The following CD2AP variants were observed in gnomAD, a reference collection of about 807,000 sequenced individuals.
The protein encoded by CD2AP is CD2 associated protein.
Under a neutral mutation model 85.1 loss-of-function variants are expected in CD2AP, and 46 were observed. That is an observed-to-expected ratio of 0.54 (90% CI 0.43 to 0.69). CD2AP has a LOEUF of 0.69. Among genes scored for constraint, CD2AP ranks in the 30% least tolerant of loss-of-function variants. The probability of loss-of-function intolerance (pLI) is 0.00; values close to 1 mark genes in which losing one functional copy is unlikely to be tolerated. For missense variants in CD2AP, 769 were observed against 729.5 expected, an observed-to-expected ratio of 1.05 and a Z score of -0.62; for synonymous variants, 255 against 252.9, an observed-to-expected ratio of 1.01 and a Z score of -0.08.
intron 13 of CD2AP, among the ~76,000 whole-genome samples, chr6:47,602,681 G>A (rs968892438): frequency 8.6e-5 from 13 of 151,372 alleles, no homozygotes; most frequent in Non-Finnish European, 1.5e-4. Flanking sequence ...AGCCTGGGCA[G>A]CATAGTGAGA....
At chr6:47,614,719 G>A (rs1213035230) in intron 17 of CD2AP, among the ~76,000 whole-genome samples, 1 of 152,194 alleles carries the variant, frequency 6.6e-6, no homozygotes, top group Non-Finnish European at 1.5e-5. Flanking sequence ...GCCTTTGATT[G>A]TAGACAATGC....
chr6:47,548,202 T>C (rs1767417434), intron 4 of CD2AP, among the ~76,000 whole-genome samples: 1 of 151,470 alleles, frequency 6.6e-6, no homozygotes, highest in Admixed American at 6.6e-5. Context: ...ATAACCAAGA[T>C]CAGAGCAGAA....
intron 1 of CD2AP, among the ~76,000 whole-genome samples, chr6:47,494,394 A>G (rs953043514): frequency 6.6e-5 from 10 of 152,160 alleles, no homozygotes; most frequent in Admixed American, 3.3e-4. Flanking sequence ...TGGTGGTAGC[A>G]TGTGGGAAAG....
At chr6:47,544,522 C>T (rs1767315550) in intron 3 of CD2AP, 84 bp from the exon 4 acceptor site, 2 of 864,798 alleles carry the variant, frequency 2.3e-6, no homozygotes, top group African/African-American at 3.3e-5. Flanking sequence ...TATATAAGTC[C>T]TGTGACTAAA....
intron 5 of CD2AP, among the ~76,000 whole-genome samples, chr6:47,570,834 T>C (rs1312139350): frequency 6.6e-6 from 1 of 152,204 alleles, no homozygotes; most frequent in African/African-American, 2.4e-5. Flanking sequence ...TTTACCGCTA[T>C]ACCATGCTGC....
chr6:47,576,702 A>AT, intron 7 of CD2AP, 100 bp downstream of exon 7: 1 of 917,616 alleles, frequency 1.1e-6, no homozygotes, highest in Non-Finnish European at 1.8e-6. Flanking sequence ...TCTTATTAGA[A>AT]TAGCAAATTC....
At chr6:47,491,259 A>ATGTGTG (rs1222127720) in intron 1 of CD2AP, among the ~76,000 whole-genome samples, 1 of 120,780 alleles carries the variant, frequency 8.3e-6, no homozygotes, top group Non-Finnish European at 1.8e-5. Context: ...TCTTCCTGAT[A>ATGTGTG]TGTGTGTGTG....
rs568887251 is a variant in CD2AP, at chr6:47,501,769, T to C, written c.5-1511T>C. On this transcript the variant is annotated intron_variant, in intron 1 of 17. Transcript: ENST00000359314. ...GCTATCTTGAGCAGGAAAGCTGTTA[T>C]TGCTTTTTAAAAATTGAACCTTGTA... Among the ~76,000 whole-genome samples the C allele has an allele frequency of 7.2e-5, 11 of 152,286 alleles. No homozygotes were observed. The South Asian group carries it at 1.0e-3, about 14-fold the overall frequency.
intron 14 of CD2AP, among the ~76,000 whole-genome samples, chr6:47,607,603 A>G (rs1330320626): frequency 6.6e-6 from 1 of 152,074 alleles, no homozygotes; most frequent in Non-Finnish European, 1.5e-5. Context: ...AAATGTATTA[A>G]CTTCTTTGTA....
Position 47,624,386 on chromosome 6 carries a change from T to C in CD2AP, c.*159T>C. 1.6e-6 allele frequency: 1 copy of C among 614,656 alleles called. No homozygotes were observed. The highest frequency in any genetic ancestry group is 2.9e-6 in the Non-Finnish European group (1 of 345,728). The allele number at this position is 614,656 out of a possible 1,614,324, so 38.1% of individuals were successfully genotyped here. On this transcript the variant is annotated 3_prime_UTR_variant, in exon 18 of 18. Coordinates refer to ENST00000359314, the MANE Select transcript of CD2AP (RefSeq NM_012120.3). ...GAAAAGTAGAGTGAGGGTGAATTTA[T>C]ATATATATTTTGTTTTGCCAATATG...
At chr6:47,508,827 G>A (rs148350783) in intron 2 of CD2AP, among the ~76,000 whole-genome samples, 103 of 152,290 alleles carry the variant, frequency 6.8e-4, no homozygotes, top group African/African-American at 2.2e-3. Flanking sequence ...TTACAGGTGT[G>A]AGCCTGGCCT....
chr6:47,612,173 G>A (rs1437577979), intron 16 of CD2AP, among the ~76,000 whole-genome samples: 1 of 152,078 alleles, frequency 6.6e-6, no homozygotes, highest in Non-Finnish European at 1.5e-5. Context: ...CCTGGAAAAT[G>A]TATGATAGCC....
chr6:47,522,613 A>C (rs1766625737), intron 2 of CD2AP, among the ~76,000 whole-genome samples: 1 of 152,180 alleles, frequency 6.6e-6, no homozygotes, highest in Non-Finnish European at 1.5e-5. Flanking sequence ...AGTCAGGAAG[A>C]AGAAAACAAA....
intron 2 of CD2AP, among the ~76,000 whole-genome samples, chr6:47,508,439 T>C (rs1053289014): frequency 1.1e-4 from 17 of 152,276 alleles, no homozygotes; most frequent in African/African-American, 4.1e-4. Flanking sequence ...ATTCAGTGAG[T>C]TGAAGAGAAT....
At chr6:47,526,222 C>A (rs1012557839) in intron 2 of CD2AP, among the ~76,000 whole-genome samples, 1 of 152,060 alleles carries the variant, frequency 6.6e-6, no homozygotes, top group African/African-American at 2.4e-5. Flanking sequence ...TTTCCAGAAA[C>A]TAGGGAAAAG....
chr6:47,624,679 CTGTGTGTGTGTGTGTGTGTGTGTGTGTG>C lies in CD2AP; in HGVS notation c.*468_*495del, dbSNP rs60486147. 8.2e-6 allele frequency: 1 copy of C among 121,460 alleles called. No individual in the cohort carries two copies. Among genetic ancestry groups the C allele is most frequent in the Non-Finnish European group, 1.6e-5 (1 of 63,014 alleles). 7.5% of individuals were successfully genotyped at this position (121,460 alleles called of 1,614,324 possible). A position where few individuals can be genotyped will look rare whatever the true frequency, so the allele number is the denominator to read the frequency against. ...CCATAATGCATAAGGGATATAAACTCTGTGTGTGTGTGTGTGTGTGTGTGTGTGTGTGTGTGTGTGTGTATATATATAT... is the reference window on the plus strand; with the variant it reads ...CCATAATGCATAAGGGATATAAACTCTGTGTGTGTGTGTGTATATATATAT... On this transcript the variant is annotated 3_prime_UTR_variant, in exon 18 of 18. Transcript: ENST00000359314.
Position 47,579,456 on chromosome 6 carries a change from TG to T in CD2AP, c.976del (p.Val326SerfsTer3), listed in dbSNP as rs1304988422. On this transcript the variant is annotated frameshift_variant, in exon 9 of 18. Transcript: ENST00000359314. LOFTEE classifies it high-confidence loss of function. Reference protein sequence around the residue: ...KEGVFPDNFAVQINELDKDFP... With the variant: ...KEGVFPDNFAXQINELDKDFP... ...AAGGAGTATTTCCAGACAATTTTGC[TG>T]TCCAGATAAATGAACTTGATAAAGA... The T allele has an allele frequency of 6.2e-7, 1 of 1,611,472 alleles. No homozygotes were observed. Among genetic ancestry groups the T allele is most frequent in the Non-Finnish European group, 8.5e-7 (1 of 1,177,622 alleles).
At chr6:47,618,164 A>G (rs1769645519) in intron 17 of CD2AP, among the ~76,000 whole-genome samples, 2 of 152,170 alleles carry the variant, frequency 1.3e-5, no homozygotes, top group African/African-American at 4.8e-5. Flanking sequence ...ACTAAAAAAT[A>G]TAAAAATTAG....
At chr6:47,564,867 T>A (rs1326273934) in intron 5 of CD2AP, among the ~76,000 whole-genome samples, 2 of 152,066 alleles carry the variant, frequency 1.3e-5, no homozygotes, top group African/African-American at 4.8e-5. Flanking sequence ...AAGTGTTTTC[T>A]TTTTTGCTTT....
Sources: allele counts gnomAD v4.1 joint callset (sites outside exome capture counted in the v4.1 genomes callset), GRCh38; gene constraint gnomAD v4.1.1; transcripts MANE v1.5; gene names NCBI Gene and HGNC (gene_info 2026-07-23, HGNC 2026-07-21).